Variants in HDGF observed in about 807,000 individuals in gnomAD.
HDGF encodes heparin binding growth factor, also known as hepatoma-derived growth factor.
A neutral mutation model predicts 30.0 loss-of-function variants in HDGF; 5 were observed. That is an observed-to-expected ratio of 0.17 (90% CI 0.09 to 0.35). HDGF has a LOEUF of 0.35. Ranked by LOEUF, HDGF falls within the 10% of genes least tolerant of loss-of-function variation. HDGF has a pLI of 1.00. For synonymous variants in HDGF, 133 were observed against 112.7 expected, an observed-to-expected ratio of 1.18 and a Z score of -1.14; for missense variants, 214 against 302.8, an observed-to-expected ratio of 0.71 and a Z score of 2.18.
Position 156,743,697 on chromosome 1 carries a change from G to T in HDGF, c.671C>A (p.Ala224Asp). ...EEEEEDEEEE[A>D]TKEDAEAPGI... ...TGGGGCCTCAGCATCTTCCTTGGTA[G>T]CCTCTTCCTCTTCATCCTCCTCCTC... is the stretch of plus-strand genomic sequence containing the variant. The change falls in exon 5 of 6, where the codon GCT becomes GAT. Residue 224 changes from alanine (A) to aspartate (D), a missense_variant. Physicochemically the swap from Ala to Asp is moderately radical, Grantham distance 126. This residue lies in a region of HDGF where 176 missense variants were observed against 211.7 expected (regional missense o/e 0.83). Coordinates refer to ENST00000357325, the MANE Select transcript of HDGF (RefSeq NM_004494.3). The T allele has an allele frequency of 6.2e-7, 1 of 1,610,746 alleles. No individual in the cohort carries two copies. Among genetic ancestry groups the T allele is most frequent in the Non-Finnish European group, 8.5e-7 (1 of 1,178,362 alleles).
At position 156,745,320 on chromosome 1, in the gene HDGF, G is replaced by T; in HGVS notation, c.141C>A (p.Val47=). The T allele has an allele frequency of 6.2e-7, 1 of 1,613,878 alleles. No homozygotes were observed. Among genetic ancestry groups the T allele is most frequent in the Non-Finnish European group, 8.5e-7 (1 of 1,179,974 alleles). The change falls in exon 2 of 6, where the codon GTC becomes GTA. Residue 47 remains valine (V), a synonymous_variant. Transcript: ENST00000357325. ...ACGTCTCGTGGGTCCCGAAAAAAAAGACTTGGTATTTGTTGGCTGTTGATT... is the reference window on the plus strand; with the variant it reads ...ACGTCTCGTGGGTCCCGAAAAAAAATACTTGGTATTTGTTGGCTGTTGATT... The part of the protein sequence containing the change: ...AVKSTANKYQ[V]FFFGTHETAF...
upstream of HDGF, among the ~76,000 whole-genome samples, chr1:156,754,723 C>T (rs1403970461): frequency 6.6e-6 from 1 of 152,178 alleles, no homozygotes; most frequent in Non-Finnish European, 1.5e-5. Context: ...GCAGGTGGAT[C>T]ACCTGAGGTC....
chr1:156,746,627 G>C (rs530865703), intron 1 of HDGF, among the ~76,000 whole-genome samples: 10 of 152,356 alleles, frequency 6.6e-5, no homozygotes, highest in African/African-American at 2.2e-4. Flanking sequence ...TCTGAGGTCA[G>C]GGAATCCAGA....
At chr1:156,752,388 G>A, upstream of HDGF, 1 of 1,548,532 alleles carries the variant, frequency 6.5e-7, no homozygotes, top group African/African-American at 1.4e-5. Context: ...CTAAGCTACT[G>A]TCTTGCCAAG....
At chr1:156,751,890 G>A, upstream of HDGF, 1 of 957,844 alleles carries the variant, frequency 1.0e-6, no homozygotes, top group Non-Finnish European at 1.4e-6. The surrounding 1 kb of genome is among the most constrained non-coding windows in gnomAD (Gnocchi z 4.7). Flanking sequence ...ACGGCGCGTG[G>A]CGGCACAGGC....
chr1:156,752,109 T>C, upstream of HDGF: 1 of 1,551,534 alleles, frequency 6.4e-7, no homozygotes, highest in Non-Finnish European at 8.7e-7. Flanking sequence ...TCCATCTCAA[T>C]CCACAAATAT....
At chr1:156,756,392 G>T (rs528925335), upstream of HDGF, among the ~76,000 whole-genome samples, 5 of 152,176 alleles carry the variant, frequency 3.3e-5, no homozygotes, top group South Asian at 6.2e-4. Context: ...GGATTCCTTC[G>T]CAGTAAGCTT....
upstream of HDGF, chr1:156,752,551 G>T: frequency 1.6e-6 from 1 of 608,716 alleles, no homozygotes. Context: ...GGGGGGTCTG[G>T]GAAGGCTTCA....
chr1:156,748,630 G>T (rs1327217859), intron 1 of HDGF, among the ~76,000 whole-genome samples: 1 of 152,218 alleles, frequency 6.6e-6, no homozygotes, highest in African/African-American at 2.4e-5. Flanking sequence ...ACCCTCTGAG[G>T]TCCAAAGAGT....
At chr1:156,744,693 G>A (rs1026972280) in intron 3 of HDGF, 6 of 623,462 alleles carry the variant, frequency 9.6e-6, no homozygotes, top group Non-Finnish European at 1.5e-5. Flanking sequence ...CCTCCTCCTG[G>A]AAGCCTTTGT....
chr1:156,755,742 C>T (rs1651144907), upstream of HDGF: 1 of 152,174 alleles, frequency 6.6e-6, no homozygotes, highest in Non-Finnish European at 1.5e-5. Flanking sequence ...CTACTTCCAC[C>T]CACGCCACCC....
upstream of HDGF, among the ~76,000 whole-genome samples, chr1:156,755,947 T>C (rs1197825569): frequency 2.0e-5 from 3 of 152,132 alleles, no homozygotes; most frequent in African/African-American, 7.2e-5. Flanking sequence ...ATTGAATGAA[T>C]GAATGCACTG....
At chr1:156,752,260 A>G, upstream of HDGF, 2 of 1,551,770 alleles carry the variant, frequency 1.3e-6, no homozygotes, top group Non-Finnish European at 1.7e-6. Context: ...AACGTCGGGG[A>G]TTTGAGCCCT....
At chr1:156,745,677 C>T (rs1650485078) in intron 1 of HDGF, among the ~76,000 whole-genome samples, 1 of 152,208 alleles carries the variant, frequency 6.6e-6, no homozygotes, top group Admixed American at 6.5e-5. Context: ...CCATTCTCCA[C>T]AATCTATTCT....
Position 156,743,406 on chromosome 1 carries a change from A to G in HDGF, c.*43T>C. 6.6e-7 allele frequency: 1 copy of G among 1,511,014 alleles called. No homozygotes were observed. The highest frequency in any genetic ancestry group is 8.8e-7 in the Non-Finnish European group (1 of 1,133,268). The allele number at this position is 1,511,014 out of a possible 1,614,324, so 93.6% of individuals were successfully genotyped here. A position where few individuals can be genotyped will look rare whatever the true frequency, so the allele number is the denominator to read the frequency against. Reference sequence around the variant, plus strand: ...CCAGTTTCCCCAGTAGCACCCAGACAGCAGCAGGAACAGGGTGGGGGCTCC... The same window carrying G: ...CCAGTTTCCCCAGTAGCACCCAGACGGCAGCAGGAACAGGGTGGGGGCTCC... On this transcript the variant is annotated 3_prime_UTR_variant, in exon 6 of 6. Coordinates refer to ENST00000357325, the MANE Select transcript of HDGF (RefSeq NM_004494.3).
upstream of HDGF, chr1:156,751,781 GC>G: frequency 1.4e-6 from 1 of 721,296 alleles, no homozygotes; most frequent in Non-Finnish European, 1.6e-6. This position sits in a 1 kb window ranked among gnomAD's most constrained non-coding sequence, Gnocchi z 4.7. Context: ...TCCTCCCCCC[GC>G]CCCCCAACCT....
At chr1:156,756,939 T>C (rs1003874644), upstream of HDGF, among the ~76,000 whole-genome samples, 10 of 151,766 alleles carry the variant, frequency 6.6e-5, no homozygotes, top group Non-Finnish European at 1.2e-4. Context: ...ATTACAGTTG[T>C]ACGCCACCAC....
At chr1:156,756,724 C>T (rs914585084), upstream of HDGF, among the ~76,000 whole-genome samples, 4 of 151,634 alleles carry the variant, frequency 2.6e-5, no homozygotes, top group Admixed American at 1.3e-4. Context: ...CTTTAAAATG[C>T]CTATGTTTTC....
chr1:156,752,234 G>C, upstream of HDGF: 1 of 1,551,758 alleles, frequency 6.4e-7, no homozygotes, highest in Non-Finnish European at 8.7e-7. Context: ...CTTACCGTAT[G>C]GGGGGTGGCC....
Sources: allele counts gnomAD v4.1 joint callset (sites outside exome capture counted in the v4.1 genomes callset), GRCh38; gene constraint gnomAD v4.1.1; regional missense constraint gnomAD v4.1.1; non-coding constraint Gnocchi (gnomAD v3.1); transcripts MANE v1.5; gene names NCBI Gene and HGNC (gene_info 2026-07-23, HGNC 2026-07-21).